Variants in ADCY3 observed in about 807,000 individuals in gnomAD.
ADCY3 encodes the protein adenylate cyclase 3.
A neutral mutation model predicts 119.4 loss-of-function variants in ADCY3; 70 were observed. The ratio of observed to expected loss-of-function variants is 0.59; its 90% confidence interval spans 0.48 to 0.72. The LOEUF is 0.72. ADCY3 is among the 30% of genes least tolerant of loss of function. ADCY3 has a pLI of 0.00. For synonymous variants in ADCY3, 672 were observed against 621.4 expected (o/e 1.08, Z -1.21); for missense variants, 1,238 against 1,541.6 (o/e 0.80, Z 3.30).
rs1671047989 is a variant in ADCY3, at chr2:24,841,799, G to A, written c.957-132C>T. 3.0e-6 allele frequency: 2 copies of A among 674,776 alleles called. No individual in the cohort carries two copies. Among genetic ancestry groups the A allele is most frequent in the Non-Finnish European group, 5.3e-6 (2 of 378,774 alleles). The allele number at this position is 674,776 out of a possible 1,614,324, so 41.8% of individuals were successfully genotyped here. A position where few individuals can be genotyped will look rare whatever the true frequency, so the allele number is the denominator to read the frequency against. On this transcript the variant is annotated intron_variant, in intron 4 of 21. Transcript: ENST00000679454. This position sits in a 1 kb window ranked among gnomAD's most constrained non-coding sequence, Gnocchi z 5.8. ...AGAAGGTCCTCCCTCACGACCCCCA[G>A]ACAGTGAGACCCTGACCCTTCCAGG...
At chr2:24,865,830 T>C (rs1674217616) in intron 3 of ADCY3, among the ~76,000 whole-genome samples, 1 of 151,954 alleles carries the variant, frequency 6.6e-6, no homozygotes, top group Non-Finnish European at 1.5e-5. Context: ...GGGGCCAAGA[T>C]CTCAGGGGAA....
chr2:24,841,534 C>A lies in ADCY3; in HGVS notation c.1068+22G>T. ...CATGAGGGCAGGCCCCGCTGGAGAGCCAGGCGGGGCCAGGGACTTACAGCT... is the reference window on the plus strand; with the variant it reads ...CATGAGGGCAGGCCCCGCTGGAGAGACAGGCGGGGCCAGGGACTTACAGCT... On this transcript the variant is annotated intron_variant, in intron 5 of 21. Transcript: ENST00000679454. The surrounding 1 kb of genome is among the most constrained non-coding windows in gnomAD (Gnocchi z 5.8). The A allele has an allele frequency of 6.2e-7, 1 of 1,602,648 alleles. No homozygotes were observed. The highest frequency in any genetic ancestry group is 1.1e-5 in the South Asian group (1 of 90,382).
At chr2:24,874,392 G>A (rs1675395223) in intron 2 of ADCY3, among the ~76,000 whole-genome samples, 1 of 152,182 alleles carries the variant, frequency 6.6e-6, no homozygotes, top group South Asian at 2.1e-4. Flanking sequence ...CTGTCTGAGT[G>A]GTCAGTACCA....
Position 24,918,201 on chromosome 2 carries a change from C to A in ADCY3, c.675+112G>T, listed in dbSNP as rs1231490220. ...GGGAGAGAGGTGAGAGCCCCGGAGG[C>A]CCCCAGGACACATTTTGACTCAAAG... On this transcript the variant is annotated intron_variant, in intron 2 of 21. Transcript: ENST00000679454. The surrounding 1 kb of genome is among the most constrained non-coding windows in gnomAD (Gnocchi z 5.4). 13 of 1,211,262 alleles carry A rather than the reference C, an allele frequency of 1.1e-5. No homozygotes were observed. In the East Asian group the frequency reaches 3.1e-4, roughly 29 times the overall value. The allele number at this position is 1,211,262 out of a possible 1,614,324, so 75.0% of individuals were successfully genotyped here.
chr2:24,841,463 C>G lies in ADCY3; in HGVS notation c.1069-77G>C. Reference sequence around the variant, plus strand: ...AGTGGCCAAGAAAGCAGAGGAAGGACAGTGGGAGAAAATCATGGGGCCGGG... The same window carrying G: ...AGTGGCCAAGAAAGCAGAGGAAGGAGAGTGGGAGAAAATCATGGGGCCGGG... On this transcript the variant is annotated intron_variant, in intron 5 of 21. Coordinates refer to ENST00000679454, the MANE Select transcript of ADCY3 (RefSeq NM_004036.5). The surrounding 1 kb of genome is among the most constrained non-coding windows in gnomAD (Gnocchi z 5.8). The G allele has an allele frequency of 6.3e-7, 1 of 1,592,680 alleles. No individual in the cohort carries two copies. Among genetic ancestry groups the G allele is most frequent in the African/African-American group, 1.3e-5 (1 of 74,738 alleles).
At chr2:24,852,075 TAGTA>T (rs1029552473) in intron 3 of ADCY3, among the ~76,000 whole-genome samples, 40 of 152,294 alleles carry the variant, frequency 2.6e-4, no homozygotes, top group African/African-American at 8.4e-4. Context: ...TTTTGTAACA[TAGTA>T]AGGCCCTGAC....
Position 24,824,308 on chromosome 2 carries a change from G to C in ADCY3, c.2736+70C>G. 5 of 1,573,984 alleles carry C rather than the reference G, an allele frequency of 3.2e-6. No individual in the cohort carries two copies. In the South Asian group the frequency reaches 5.8e-5, roughly 18 times the overall value. ...CCTGAGAAGGCCTGGGCCCAGCGGGGGCTGCCTGAAAGAAAGAACAGATGG... is the reference window on the plus strand; with the variant it reads ...CCTGAGAAGGCCTGGGCCCAGCGGGCGCTGCCTGAAAGAAAGAACAGATGG... On this transcript the variant is annotated intron_variant, in intron 17 of 21. Coordinates refer to ENST00000679454, the MANE Select transcript of ADCY3 (RefSeq NM_004036.5).
intron 2 of ADCY3, among the ~76,000 whole-genome samples, chr2:24,879,690 T>C (rs2148865811): frequency 6.6e-6 from 1 of 152,272 alleles, no homozygotes; most frequent in East Asian, 1.9e-4. Context: ...AGACTTAAAG[T>C]CAGAGAAATA....
At chr2:24,844,171 G>A (rs546516464) in intron 3 of ADCY3, among the ~76,000 whole-genome samples, 1 of 152,164 alleles carries the variant, frequency 6.6e-6, no homozygotes, top group Non-Finnish European at 1.5e-5. Flanking sequence ...ACAGGTGCCC[G>A]CTGACCTTCA....
chr2:24,854,179 C>T (rs1010428601), intron 3 of ADCY3, among the ~76,000 whole-genome samples: 2 of 152,200 alleles, frequency 1.3e-5, no homozygotes, highest in Admixed American at 1.3e-4. Context: ...GGAAAAAGGA[C>T]CCTTCCTTCA....
chr2:24,848,568 C>T (rs1259033960), intron 3 of ADCY3, among the ~76,000 whole-genome samples: 5 of 152,128 alleles, frequency 3.3e-5, no homozygotes, highest in African/African-American at 9.7e-5. Flanking sequence ...GAGCTGGTCT[C>T]GGCATAAGGC....
chr2:24,840,131 C>T (rs1292557418), intron 6 of ADCY3, 100 bp from the exon 7 acceptor site: 9 of 1,480,294 alleles, frequency 6.1e-6, no homozygotes, highest in East Asian at 2.3e-5. Flanking sequence ...GCCTCTTCCC[C>T]TCCACAAGAG....
At chr2:24,865,489 C>CTCTGTGTGTGTGTG (rs1300615146) in intron 3 of ADCY3, among the ~76,000 whole-genome samples, 2 of 140,428 alleles carry the variant, frequency 1.4e-5, no homozygotes, top group African/African-American at 5.2e-5. Flanking sequence ...AGGCTATCAT[C>CTCTGTGTGTGTGTG]TGTGTGTGTG....
chr2:24,868,889 T>A (rs982014293), intron 3 of ADCY3, among the ~76,000 whole-genome samples: 109 of 149,104 alleles, frequency 7.3e-4, no homozygotes, highest in African/African-American at 2.6e-3. Flanking sequence ...CCGGGCATGG[T>A]GGCAGGCACC....
chr2:24,838,753 C>T (rs1558432865), intron 7 of ADCY3, 131 bp from the exon 8 acceptor site: 1 of 1,585,490 alleles, frequency 6.3e-7, no homozygotes, highest in Non-Finnish European at 8.6e-7. Context: ...GGGGCAGAGG[C>T]CAAGTGGAGG....
chr2:24,894,161 C>T (rs1316103558), intron 2 of ADCY3, among the ~76,000 whole-genome samples: 1 of 152,150 alleles, frequency 6.6e-6, no homozygotes, highest in African/African-American at 2.4e-5. Flanking sequence ...TTAGTACAGT[C>T]TAGTTCAAAT....
At chr2:24,846,312 G>C (rs1671645661) in intron 3 of ADCY3, among the ~76,000 whole-genome samples, 1 of 152,204 alleles carries the variant, frequency 6.6e-6, no homozygotes, top group African/African-American at 2.4e-5. Flanking sequence ...TGTGAGGGAG[G>C]CTGTACCCTG....
At chr2:24,838,728 G>A in intron 7 of ADCY3, 106 bp from the exon 8 acceptor site, 1 of 1,585,344 alleles carries the variant, frequency 6.3e-7, no homozygotes, top group Non-Finnish European at 8.6e-7. Context: ...TCGGCCCCGT[G>A]TCTCTCGGGC....
intron 2 of ADCY3, among the ~76,000 whole-genome samples, chr2:24,881,737 G>C (rs1402513446): frequency 1.3e-5 from 2 of 152,248 alleles, no homozygotes; most frequent in Non-Finnish European, 1.5e-5. Context: ...CTTGATAAGA[G>C]AGCCAAAATG....
Sources: gnomAD v4.1 joint callset for allele counts (sites outside exome capture counted in the v4.1 genomes callset) on GRCh38, gnomAD v4.1.1 for gene constraint, Gnocchi (gnomAD v3.1) non-coding constraint, MANE v1.5 for transcripts, NCBI Gene and HGNC (gene_info 2026-07-23, HGNC 2026-07-21) for gene names.